SPTB: variants seen among roughly 807,000 people sequenced by gnomAD.
The protein encoded by SPTB is spectrin beta, erythrocytic.
A neutral mutation model predicts 256.2 loss-of-function variants in SPTB; 45 were observed. The ratio of observed to expected loss-of-function variants is 0.18; its 90% CI spans 0.14 to 0.23. The LOEUF is 0.23. Ranked by LOEUF, SPTB falls within the 10% of genes least tolerant of loss-of-function variation. The pLI is 1.00. For synonymous variants in SPTB, 1,231 were observed against 1,243.1 expected, an observed-to-expected ratio of 0.99 and a Z score of 0.21; for missense variants, 2,715 against 3,040.4, an observed-to-expected ratio of 0.89 and a Z score of 2.52.
chr14:64,838,866 A>G (rs1409809069), intron 1 of SPTB, among the ~76,000 whole-genome samples: 1 of 152,046 alleles, frequency 6.6e-6, no homozygotes, highest in Non-Finnish European at 1.5e-5. Context: ...GGGTGTGGTG[A>G]CTCACATCTG....
In SPTB at chr14:64,807,454, G is replaced by A. The variant is rs542789148; in HGVS notation, c.149-2364C>T. 6.6e-6 allele frequency among the ~76,000 whole-genome samples: 1 copy of A among 152,236 alleles called. No homozygotes were observed. The highest frequency in any genetic ancestry group is 2.1e-4 in the South Asian group (1 of 4,824). On this transcript the variant is annotated intron_variant, in intron 2 of 35. Transcript: ENST00000644917. This position sits in a 1 kb window ranked among gnomAD's most constrained non-coding sequence, Gnocchi z 4.7. ...TTTTACCACATGAATGATGCCCCCT[G>A]GACCCTCAAACGTGGGAGCCACAGG...
Position 64,773,512 on chromosome 14 carries a change from G to GC in SPTB, c.4974-89dup, listed in dbSNP as rs1184747488. 5 of 1,375,348 alleles carry GC rather than the reference G, an allele frequency of 3.6e-6. No individual in the cohort carries two copies. In the African/African-American group the frequency reaches 7.1e-5, roughly 20 times the overall value. The allele number at this position is 1,375,348 out of a possible 1,614,324, so 85.2% of individuals were successfully genotyped here. ...AGGGAGCCAACATATGCCAACCACA[G>GC]CCCCCTGGCAGGGATAGGTAGGGAG... On this transcript the variant is annotated intron_variant, in intron 24 of 35. Coordinates refer to ENST00000644917, the MANE Select transcript of SPTB (RefSeq NM_001355436.2).
At chr14:64,879,463 G>C (rs1282894002) in intron 1 of SPTB, among the ~76,000 whole-genome samples, 1 of 152,214 alleles carries the variant, frequency 6.6e-6, no homozygotes, top group Admixed American at 6.5e-5. Flanking sequence ...GAAGGCGGAC[G>C]AGAACACGCA....
intron 1 of SPTB, among the ~76,000 whole-genome samples, chr14:64,849,096 T>C (rs2083738522): frequency 6.6e-6 from 1 of 152,250 alleles, no homozygotes; most frequent in Non-Finnish European, 1.5e-5. Flanking sequence ...GTAGGTTAAG[T>C]TATAGCCTTT....
At position 64,764,476 on chromosome 14, in the gene SPTB, G is replaced by C. The variant is rs1245192754; in HGVS notation, c.6345+2250C>G. ...CGGGCACAAGCCAGTCTTCCCATCT[G>C]CTGGAGTGGCTGGCTCTCCGGAAAG... On this transcript the variant is annotated intron_variant, in intron 32 of 35. Coordinates refer to ENST00000644917, the MANE Select transcript of SPTB (RefSeq NM_001355436.2). The surrounding 1 kb of genome is among the most constrained non-coding windows in gnomAD (Gnocchi z 4.2). Among the ~76,000 whole-genome samples, 3 of 152,106 alleles carry C rather than the reference G, an allele frequency of 2.0e-5. No homozygotes were observed. Among genetic ancestry groups the C allele is most frequent in the Non-Finnish European group, 4.4e-5 (3 of 68,034 alleles).
rs1943684201 is a variant in SPTB, at chr14:64,825,836, G to A, written c.-51-2691C>T. ...GATTGATGGCCCCGGGTGCAGAAGA[G>A]CAGCGGCTCGACAGCAATTCATCCT... is the stretch of plus-strand genomic sequence containing the variant. On this transcript the variant is annotated intron_variant, in intron 1 of 35. Coordinates refer to ENST00000644917, the MANE Select transcript of SPTB (RefSeq NM_001355436.2). The surrounding 1 kb of genome is among the most constrained non-coding windows in gnomAD (Gnocchi z 4.8). 6.6e-6 allele frequency among the ~76,000 whole-genome samples: 1 copy of A among 152,256 alleles called. No homozygotes were observed. Among genetic ancestry groups the A allele is most frequent in the African/African-American group, 2.4e-5 (1 of 41,464 alleles).
At position 64,767,451 on chromosome 14, in the gene SPTB, C is replaced by CTGT. The variant is rs1192116186; in HGVS notation, c.6220-100_6220-99insACA. On this transcript the variant is annotated intron_variant, in intron 30 of 35. Coordinates refer to ENST00000644917, the MANE Select transcript of SPTB (RefSeq NM_001355436.2). Reference sequence around the variant, plus strand: ...ATGCGGCCCTGCACCCCCACATGCCCTGACACTTGTTCCTTCTAGAGTCAG... The same window carrying CTGT: ...ATGCGGCCCTGCACCCCCACATGCCCTGTTGACACTTGTTCCTTCTAGAGTCAG... 3.9e-6 allele frequency: 6 copies of CTGT among 1,525,124 alleles called. No individual in the cohort carries two copies. In the African/African-American group the frequency reaches 6.8e-5, roughly 17 times the overall value. The allele number at this position is 1,525,124 out of a possible 1,614,324, so 94.5% of individuals were successfully genotyped here.
At chr14:64,774,645 A>G in intron 23 of SPTB, 118 bp from the exon 24 acceptor site, 5 of 1,430,098 alleles carry the variant, frequency 3.5e-6, no homozygotes, top group Non-Finnish European at 4.8e-6. Flanking sequence ...CTTGTGGGAC[A>G]CCCGCAGGAG....
rs556059608 is a variant in SPTB, at chr14:64,790,636, G to A, written c.2804+1083C>T. 3.9e-5 allele frequency among the ~76,000 whole-genome samples: 6 copies of A among 152,282 alleles called. No individual in the cohort carries two copies. Among genetic ancestry groups the A allele is most frequent in the East Asian group, 1.9e-4 (1 of 5,178 alleles). On this transcript the variant is annotated intron_variant, in intron 15 of 35. Coordinates refer to ENST00000644917, the MANE Select transcript of SPTB (RefSeq NM_001355436.2). This position sits in a 1 kb window ranked among gnomAD's most constrained non-coding sequence, Gnocchi z 4.8. Reference sequence around the variant, plus strand: ...CCCCCAGTGAACTCTCCACTGTGCCGATCCCTTTCTTTACAATGGAGTCTT... The same window carrying A: ...CCCCCAGTGAACTCTCCACTGTGCCAATCCCTTTCTTTACAATGGAGTCTT...
In SPTB at chr14:64,786,336, T is replaced by G. The variant is rs2082567971; in HGVS notation, c.3561+68A>C. Reference sequence around the variant, plus strand: ...GTGGTCCCTGAGTCTTACAGCACATTTGTGGACTCACCACAAGAGCTACTG... The same window carrying G: ...GTGGTCCCTGAGTCTTACAGCACATGTGTGGACTCACCACAAGAGCTACTG... On this transcript the variant is annotated intron_variant, in intron 16 of 35. Transcript: ENST00000644917. The surrounding 1 kb of genome is among the most constrained non-coding windows in gnomAD (Gnocchi z 5.6). 2 of 1,593,792 alleles carry G rather than the reference T, an allele frequency of 1.3e-6. No individual in the cohort carries two copies. Among genetic ancestry groups the G allele is most frequent in the South Asian group, 1.1e-5 (1 of 90,450 alleles).
rs983135669 is a variant in SPTB at position 64,746,959 on chromosome 14, T to G, written c.*2347A>C. On this transcript the variant is annotated 3_prime_UTR_variant, in exon 36 of 36. Coordinates refer to ENST00000644917, the MANE Select transcript of SPTB (RefSeq NM_001355436.2). This position sits in a 1 kb window ranked among gnomAD's most constrained non-coding sequence, Gnocchi z 4.9. ...GCCCTGGTGTGGCACACACAGGGTC[T>G]CCCAAAGCTGGATGCCTGCATTTTC... The G allele has an allele frequency of 5.3e-5, 8 of 152,292 alleles. No individual in the cohort carries two copies. Among genetic ancestry groups the G allele is most frequent in the African/African-American group, 1.9e-4 (8 of 41,312 alleles). The allele number at this position is 152,292 out of a possible 1,614,324, so 9.4% of individuals were successfully genotyped here.
At position 64,845,759 on chromosome 14, in the gene SPTB, G is replaced by T. The variant is rs2083682046; in HGVS notation, c.-51-22614C>A. 6.6e-6 allele frequency among the ~76,000 whole-genome samples: 1 copy of T among 152,160 alleles called. No individual in the cohort carries two copies. The highest frequency in any genetic ancestry group is 1.5e-5 in the Non-Finnish European group (1 of 68,028). ...AACTTTGTGAAATGAGTTCTGCCAT[G>T]GGCTCGCCTAGTCTCTTCATTGTTG... On this transcript the variant is annotated intron_variant, in intron 1 of 35. Coordinates refer to ENST00000644917, the MANE Select transcript of SPTB (RefSeq NM_001355436.2). This position sits in a 1 kb window ranked among gnomAD's most constrained non-coding sequence, Gnocchi z 4.8.
In SPTB at chr14:64,802,197, T is replaced by C. The variant is rs766432478; in HGVS notation, c.566+29A>G. On this transcript the variant is annotated intron_variant, in intron 5 of 35. Coordinates refer to ENST00000644917, the MANE Select transcript of SPTB (RefSeq NM_001355436.2). The surrounding 1 kb of genome is among the most constrained non-coding windows in gnomAD (Gnocchi z 5.1). The stretch of plus-strand genomic sequence containing the variant: ...TGCGGAGCAAGGGGCTGGTGGTGGA[T>C]GTGCTAACAGCTGGTTCCCAGGGCA... The C allele has an allele frequency of 2.7e-5, 43 of 1,605,870 alleles. No individual in the cohort carries two copies. In the East Asian group the frequency reaches 8.3e-4, roughly 31 times the overall value.
intron 32 of SPTB, chr14:64,755,862 G>C (rs2082010284): frequency 6.6e-6 from 1 of 152,230 alleles, no homozygotes; most frequent in Non-Finnish European, 1.5e-5. Flanking sequence ...ATTCCTACGA[G>C]ATATGCACGT....
chr14:64,869,724 G>A lies in SPTB; in HGVS notation c.-52+10068C>T, dbSNP rs987544669. On this transcript the variant is annotated intron_variant, in intron 1 of 35. Transcript: ENST00000644917. ...GCAGCCTCAACTTTCCTGGGCTCACGTGATTCTCCCACCTTAGCCTCCTGA... is the reference window on the plus strand; with the variant it reads ...GCAGCCTCAACTTTCCTGGGCTCACATGATTCTCCCACCTTAGCCTCCTGA... Among the ~76,000 whole-genome samples the A allele has an allele frequency of 5.4e-5, 8 of 149,168 alleles. No individual in the cohort carries two copies. The South Asian group carries it at 8.5e-4, about 16-fold the overall frequency.
intron 3 of SPTB, 78 bp downstream of exon 3, chr14:64,804,861 T>G: frequency 1.3e-6 from 2 of 1,592,868 alleles, no homozygotes; most frequent in Non-Finnish European, 1.7e-6. Context: ...CCAGGAGAAC[T>G]TGAGATGCCC....
At chr14:64,809,874 G>T (rs1314954873) in intron 2 of SPTB, among the ~76,000 whole-genome samples, 1 of 152,030 alleles carries the variant, frequency 6.6e-6, no homozygotes, top group Non-Finnish European at 1.5e-5. Context: ...CTGGACAAAT[G>T]GAAAGGCATG....
chr14:64,812,501 T>C (rs942260701), intron 2 of SPTB, among the ~76,000 whole-genome samples: 17 of 152,176 alleles, frequency 1.1e-4, no homozygotes, highest in Admixed American at 3.3e-4. Flanking sequence ...ACACAGCTAC[T>C]TCTGAGGTTC....
rs2082433964 is a variant in SPTB, at chr14:64,779,911, A to G, written c.4287T>C (p.Asn1429=). 5 of 1,613,728 alleles carry G rather than the reference A, an allele frequency of 3.1e-6. No individual in the cohort carries two copies. Among genetic ancestry groups the G allele is most frequent in the African/African-American group, 1.3e-5 (1 of 74,894 alleles). Reference sequence around the variant, plus strand: ...GCTCCCCCAGCTCCTCTTTTCGCACATTCACTTGGTCCTCCACTCGCTGAG... The same window carrying G: ...GCTCCCCCAGCTCCTCTTTTCGCACGTTCACTTGGTCCTCCACTCGCTGAG... ...AKLKRVEDQV[N]VRKEELGELF... is the part of the protein sequence containing the mutation. The change falls in exon 21 of 36, where the codon AAT becomes AAC. Residue 1429 remains asparagine, a synonymous_variant. Transcript: ENST00000644917. The surrounding 1 kb of genome is among the most constrained non-coding windows in gnomAD (Gnocchi z 4.2).
Sources: gnomAD v4.1 joint callset for allele counts (sites outside exome capture counted in the v4.1 genomes callset) on GRCh38, gnomAD v4.1.1 for gene constraint, Gnocchi (gnomAD v3.1) non-coding constraint, MANE v1.5 for transcripts, NCBI Gene and HGNC (gene_info 2026-07-23, HGNC 2026-07-21) for gene names.